ADAMTS2: variants seen among roughly 807,000 people sequenced by gnomAD.
The protein encoded by ADAMTS2 is ADAM metallopeptidase with thrombospondin type 1 motif 2.
ADAMTS2 carries 50 observed loss-of-function variants against 123.0 expected under a neutral mutation model. The ratio of observed to expected loss-of-function variants is 0.41; its 90% CI spans 0.32 to 0.51. The LOEUF is 0.51. Ranked by LOEUF, ADAMTS2 falls within the 20% of genes least tolerant of loss-of-function variation. ADAMTS2 has a pLI of 0.35. For synonymous variants in ADAMTS2, 678 were observed against 695.4 expected, an observed-to-expected ratio of 0.98 and a Z score of 0.39; for missense variants, 1,494 against 1,705.2, an observed-to-expected ratio of 0.88 and a Z score of 2.18.
Position 179,132,659 on chromosome 5 carries a change from C to T in ADAMTS2, c.2209+118G>A. ...CCCCTCAGTGTCACAGACCTCTCCCCCTCCCCAGAACAGTCATAAGCCCGG... is the reference window on the plus strand; with the variant it reads ...CCCCTCAGTGTCACAGACCTCTCCCTCTCCCCAGAACAGTCATAAGCCCGG... On this transcript the variant is annotated intron_variant, in intron 14 of 21. Transcript: ENST00000251582. This position sits in a 1 kb window ranked among gnomAD's most constrained non-coding sequence, Gnocchi z 6.1. 2 of 1,459,656 alleles carry T rather than the reference C, an allele frequency of 1.4e-6. No individual in the cohort carries two copies. Among genetic ancestry groups the T allele is most frequent in the Non-Finnish European group, 1.9e-6 (2 of 1,048,636 alleles). 90.4% of individuals were successfully genotyped at this position (1,459,656 alleles called of 1,614,324 possible).
chr5:179,161,281 G>A (rs1283190651), intron 5 of ADAMTS2, among the ~76,000 whole-genome samples: 1 of 152,108 alleles, frequency 6.6e-6, no homozygotes, highest in South Asian at 2.1e-4. Flanking sequence ...CTCCAGCTAG[G>A]GGGTGAGCTT....
chr5:179,281,698 G>A (rs527470454), intron 2 of ADAMTS2, among the ~76,000 whole-genome samples: 30 of 152,268 alleles, frequency 2.0e-4, no homozygotes, highest in Non-Finnish European at 3.4e-4. Flanking sequence ...CTCTCAAAGT[G>A]GAATTACTGG....
chr5:179,294,835 A>T (rs1302121439), intron 2 of ADAMTS2, among the ~76,000 whole-genome samples: 1 of 152,196 alleles, frequency 6.6e-6, no homozygotes, highest in Admixed American at 6.5e-5. Flanking sequence ...TCTCCAGTAG[A>T]CTTAGGTCAT....
rs373930933 is a variant in ADAMTS2 at position 179,216,470 on chromosome 5, C to T, written c.689-8755G>A. 2.5e-3 allele frequency among the ~76,000 whole-genome samples: 383 copies of T among 151,950 alleles called. 3 individuals are homozygous for T. Among genetic ancestry groups the T allele is most frequent in the African/African-American group, 9.1e-3 (374 of 41,314 alleles). The stretch of plus-strand genomic sequence containing the variant: ...GGCCGTGGCGAGCTTAGAAGCAGGA[C>T]GTACAGGTCAGCCCCCTCCCTCTGA... On this transcript the variant is annotated intron_variant, in intron 3 of 21. Transcript: ENST00000251582.
At chr5:179,125,912 C>A in intron 18 of ADAMTS2, 86 bp downstream of exon 18, 1 of 1,571,332 alleles carries the variant, frequency 6.4e-7, no homozygotes, top group East Asian at 2.3e-5. Context: ...TGATGCCAGG[C>A]CCAGGCCCCA....
chr5:179,140,974 A>AT (rs199790194), intron 10 of ADAMTS2, among the ~76,000 whole-genome samples: 4,022 of 142,992 alleles, frequency 0.028, 206 homozygotes, highest in African/African-American at 0.094. Flanking sequence ...TAATTTTTGC[A>AT]TTTTTTTTTT....
At position 179,128,060 on chromosome 5, in the gene ADAMTS2, T is replaced by A; in HGVS notation, c.2516A>T (p.Asp839Val). Residue 839 changes from aspartate (D) to valine (V), a missense_variant, in exon 17 of 22, where the codon GAC (aspartate) becomes GTC (valine). By Grantham distance (152) the Asp-to-Val change is radical. Transcript: ENST00000251582. The surrounding 1 kb of genome is among the most constrained non-coding windows in gnomAD (Gnocchi z 4.9). ...GTTGTTGTCGTCGACATTCAGTGAG[T>A]CCTCATGGATCATGTATTTGTACGT... The part of the protein sequence containing the change: ...SLTYKYMIHE[D>V]SLNVDDNNVL... The A allele has an allele frequency of 6.2e-7, 1 of 1,613,956 alleles. No homozygotes were observed. The highest frequency in any genetic ancestry group is 1.3e-5 in the African/African-American group (1 of 75,008).
intron 2 of ADAMTS2, among the ~76,000 whole-genome samples, chr5:179,301,360 T>A (rs1756512064): frequency 6.6e-6 from 1 of 152,236 alleles, no homozygotes; most frequent in Admixed American, 6.5e-5. Flanking sequence ...ATTACCTACT[T>A]TACAGAGTTG....
intron 2 of ADAMTS2, among the ~76,000 whole-genome samples, chr5:179,278,173 AGACCAAAGGCTGAC>A (rs1350706871): frequency 9.5e-6 from 1 of 105,440 alleles, no homozygotes. Flanking sequence ...GACCCCCCCG[AGACCAAAGGCTGAC>A]CCCCCCAAGA....
chr5:179,285,712 C>T lies in ADAMTS2; in HGVS notation c.535-12648G>A, dbSNP rs769197009. Among the ~76,000 whole-genome samples, 3 of 152,204 alleles carry T rather than the reference C, an allele frequency of 2.0e-5. No homozygotes were observed. The highest frequency in any genetic ancestry group is 2.9e-5 in the Non-Finnish European group (2 of 68,026). ...GCCCACGTCGGGGAACGTCCCCAGT[C>T]ACAAATTAACATTCACATAAATAAC... On this transcript the variant is annotated intron_variant, in intron 2 of 21. Transcript: ENST00000251582. This position sits in a 1 kb window ranked among gnomAD's most constrained non-coding sequence, Gnocchi z 4.9.
chr5:179,221,593 T>C (rs887270699), intron 3 of ADAMTS2, among the ~76,000 whole-genome samples: 43 of 152,262 alleles, frequency 2.8e-4, no homozygotes, highest in African/African-American at 1.0e-3. Context: ...CTGGGGCCTC[T>C]TGATGCTCCC....
chr5:179,321,462 G>GC (rs1207261703), intron 2 of ADAMTS2, among the ~76,000 whole-genome samples: 1 of 152,072 alleles, frequency 6.6e-6, no homozygotes, highest in Admixed American at 6.6e-5. Context: ...TGGGCCTGAT[G>GC]CCCCCTGCCA....
chr5:179,327,651 G>A (rs954435847), intron 2 of ADAMTS2, among the ~76,000 whole-genome samples: 1 of 152,170 alleles, frequency 6.6e-6, no homozygotes, highest in Admixed American at 6.5e-5. Flanking sequence ...GTGCCACCGT[G>A]GGGAAATGGG....
rs745839318 is a variant in ADAMTS2, at chr5:179,132,911, A to G, written c.2086-11T>C. Reference sequence around the variant, plus strand: ...GTCACAGCCCACCTTCTGTTGGGGGAGGAGGCAGTGAGCACTTGAGACGTC... The same window carrying G: ...GTCACAGCCCACCTTCTGTTGGGGGGGGAGGCAGTGAGCACTTGAGACGTC... On this transcript the variant is annotated splice_polypyrimidine_tract_variant and intron_variant, in intron 13 of 21. Coordinates refer to ENST00000251582, the MANE Select transcript of ADAMTS2 (RefSeq NM_014244.5). The surrounding 1 kb of genome is among the most constrained non-coding windows in gnomAD (Gnocchi z 6.1). The G allele has an allele frequency of 1.2e-6, 2 of 1,613,060 alleles. No homozygotes were observed. Among genetic ancestry groups the G allele is most frequent in the Non-Finnish European group, 1.7e-6 (2 of 1,179,660 alleles).
rs1207654060 is a variant in ADAMTS2 at position 179,228,221 on chromosome 5, C to T, written c.689-20506G>A. ...AATCAGCTGCAGAGCACCGCAGTGG[C>T]GCACACAGATCAGTGTCCTGATCTG... is the stretch of plus-strand genomic sequence containing the variant. On this transcript the variant is annotated intron_variant, in intron 3 of 21. Transcript: ENST00000251582. The surrounding 1 kb of genome is among the most constrained non-coding windows in gnomAD (Gnocchi z 5.2). Among the ~76,000 whole-genome samples the T allele has an allele frequency of 2.0e-5, 3 of 152,144 alleles. No homozygotes were observed. The highest frequency in any genetic ancestry group is 2.1e-4 in the South Asian group (1 of 4,830).
At chr5:179,114,359 C>A (rs1762624770) in intron 21 of ADAMTS2, 35 bp from the exon 22 acceptor site, 2 of 1,592,716 alleles carry the variant, frequency 1.3e-6, no homozygotes, top group African/African-American at 2.7e-5. Flanking sequence ...AACCAAAGGA[C>A]AAGATAAGGG....
chr5:179,319,467 A>G (rs939288240), intron 2 of ADAMTS2, among the ~76,000 whole-genome samples: 6 of 151,932 alleles, frequency 3.9e-5, no homozygotes, highest in Non-Finnish European at 5.9e-5. Context: ...CACATGCATG[A>G]CACTCATGCA....
intron 2 of ADAMTS2, among the ~76,000 whole-genome samples, chr5:179,319,764 G>A (rs456109): frequency 1.3e-5 from 2 of 149,456 alleles, no homozygotes; most frequent in Non-Finnish European, 3.0e-5. Context: ...TTTTCACCCA[G>A]AAACCACAGG....
At chr5:179,301,773 A>G (rs1361720421) in intron 2 of ADAMTS2, among the ~76,000 whole-genome samples, 1 of 152,268 alleles carries the variant, frequency 6.6e-6, no homozygotes, top group African/African-American at 2.4e-5. Flanking sequence ...GACACAAATG[A>G]GGGCAGGACC....
Sources: allele counts gnomAD v4.1 joint callset (sites outside exome capture counted in the v4.1 genomes callset), GRCh38; gene constraint gnomAD v4.1.1; non-coding constraint Gnocchi (gnomAD v3.1); transcripts MANE v1.5; gene names NCBI Gene and HGNC (gene_info 2026-07-23, HGNC 2026-07-21).